FSIP1: variants seen among roughly 807,000 people sequenced by gnomAD.
FSIP1 encodes fibrous sheath interacting protein 1, also known as fibrous sheath-interacting protein 1.
Under a neutral mutation model 60.9 loss-of-function variants are expected in FSIP1, and 65 were observed. The observed-to-expected ratio is 1.07, with a 90% CI of 0.87 to 1.31. The LOEUF (loss-of-function observed/expected upper bound fraction) is 1.31. Among genes scored for constraint, FSIP1 ranks in the 40% most tolerant of loss-of-function variants. The pLI, the probability that FSIP1 is intolerant of heterozygous loss-of-function variation, is 0.00. For synonymous variants in FSIP1, 209 were observed against 221.2 expected (o/e 0.94, Z 0.49); for missense variants, 675 against 665.5 (o/e 1.01, Z -0.16).
At chr15:39,659,115 T>C (rs79611855) in intron 10 of FSIP1, among the ~76,000 whole-genome samples, 3,748 of 152,256 alleles carry the variant, frequency 0.025, 191 homozygotes, top group African/African-American at 0.086. Flanking sequence ...TGAAAATCCA[T>C]AGAGGCAGAA....
intron 10 of FSIP1, among the ~76,000 whole-genome samples, chr15:39,659,623 A>AT (rs201732547): frequency 4.9e-5 from 2 of 40,760 alleles, no homozygotes; most frequent in African/African-American, 1.6e-4. Flanking sequence ...TAAAGCTGTT[A>AT]TTTTAAAAAA....
In FSIP1 at chr15:39,761,425, A is replaced by G. The variant is rs55948766; in HGVS notation, c.559+2396T>C. Among the ~76,000 whole-genome samples the G allele has an allele frequency of 6.5e-3, 993 of 152,366 alleles. 4 individuals carry two copies. Among genetic ancestry groups the G allele is most frequent in the Non-Finnish European group, 9.7e-3 (662 of 68,034 alleles). On this transcript the variant is annotated intron_variant, in intron 5 of 11. Coordinates refer to ENST00000350221, the MANE Select transcript of FSIP1 (RefSeq NM_152597.5). ...AGGAAATTCTATCATTTGCAACAAC[A>G]TGAATAGAATTAGAGGACATTATGC...
intron 3 of FSIP1, among the ~76,000 whole-genome samples, chr15:39,770,062 A>G (rs1897828481): frequency 6.6e-6 from 1 of 152,166 alleles, no homozygotes; most frequent in Non-Finnish European, 1.5e-5. Context: ...TGAAAATCCA[A>G]ATGTTATTGG....
intron 10 of FSIP1, among the ~76,000 whole-genome samples, chr15:39,662,717 C>A (rs4372661): frequency 6.7e-6 from 1 of 149,748 alleles, no homozygotes. Context: ...CACTAAGTCA[C>A]TGAAAAAAAA....
At chr15:39,599,388 C>T (rs1293750235), downstream of FSIP1, 3 of 152,144 alleles carry the variant, frequency 2.0e-5, no homozygotes, top group Non-Finnish European at 4.4e-5. Flanking sequence ...CAGAAAGGCT[C>T]ACTATGTCCC....
At chr15:39,652,466 AAG>A (rs1204116390) in intron 10 of FSIP1, among the ~76,000 whole-genome samples, 1 of 152,246 alleles carries the variant, frequency 6.6e-6, no homozygotes, top group Non-Finnish European at 1.5e-5. Flanking sequence ...ATATAGGACT[AAG>A]AGCTGTTGAA....
intron 10 of FSIP1, among the ~76,000 whole-genome samples, chr15:39,691,854 G>C (rs946147018): frequency 6.6e-6 from 1 of 152,134 alleles, no homozygotes; most frequent in Non-Finnish European, 1.5e-5. Context: ...CTTTCAAGAG[G>C]CTTAAAGCCC....
At chr15:39,717,901 C>G (rs1895802709) in intron 9 of FSIP1, among the ~76,000 whole-genome samples, 1 of 152,212 alleles carries the variant, frequency 6.6e-6, no homozygotes, top group South Asian at 2.1e-4. Context: ...CTCAGATTGC[C>G]AAGGAAACAG....
chr15:39,660,146 G>A (rs573461458), intron 10 of FSIP1, among the ~76,000 whole-genome samples: 38 of 152,218 alleles, frequency 2.5e-4, no homozygotes, highest in Admixed American at 7.9e-4. Flanking sequence ...CCTTGACAAC[G>A]TAGTAAGTAA....
At chr15:39,665,248 C>T (rs1458990121) in intron 10 of FSIP1, among the ~76,000 whole-genome samples, 1 of 152,084 alleles carries the variant, frequency 6.6e-6, no homozygotes, top group Non-Finnish European at 1.5e-5. Flanking sequence ...CACTATAAAA[C>T]AAGGTACTTA....
chr15:39,713,423 A>G, intron 10 of FSIP1, 21 bp downstream of exon 10: 1 of 1,572,448 alleles, frequency 6.4e-7, no homozygotes, highest in Non-Finnish European at 8.6e-7. Context: ...AAAAAAAATT[A>G]ATTAAAACAA....
At chr15:39,699,379 G>A (rs903283203) in intron 10 of FSIP1, among the ~76,000 whole-genome samples, 1 of 152,328 alleles carries the variant, frequency 6.6e-6, no homozygotes, top group Non-Finnish European at 1.5e-5. Context: ...CAATCTTAAT[G>A]TTGGATACAA....
chr15:39,689,731 A>C (rs895162709), intron 10 of FSIP1, among the ~76,000 whole-genome samples: 1 of 152,226 alleles, frequency 6.6e-6, no homozygotes, highest in Admixed American at 6.5e-5. Flanking sequence ...TACTTAATCA[A>C]ATTACTGTAT....
rs565417107 is a variant in FSIP1, at chr15:39,691,003, G to C, written c.1188+22441C>G. Reference sequence around the variant, plus strand: ...ATCAGAGAGGTTCGAGTAAAACTGAGCCAAAAAAGAGAAAGGAGCTAGAGT... The same window carrying C: ...ATCAGAGAGGTTCGAGTAAAACTGACCCAAAAAAGAGAAAGGAGCTAGAGT... On this transcript the variant is annotated intron_variant, in intron 10 of 11. Transcript: ENST00000350221. 2.6e-5 allele frequency among the ~76,000 whole-genome samples: 4 copies of C among 152,268 alleles called. No homozygotes were observed. The South Asian group carries it at 8.3e-4, about 32-fold the overall frequency.
intron 9 of FSIP1, among the ~76,000 whole-genome samples, chr15:39,718,251 TAC>T (rs199605968): frequency 5.7e-4 from 86 of 151,566 alleles, no homozygotes; most frequent in South Asian, 2.1e-4. Context: ...GATATAGATA[TAC>T]ACACACACAC....
intron 10 of FSIP1, among the ~76,000 whole-genome samples, chr15:39,632,463 G>A (rs897576198): frequency 2.0e-5 from 3 of 152,102 alleles, no homozygotes; most frequent in Admixed American, 1.3e-4. Flanking sequence ...ACAGGCGTGA[G>A]CCACTGCGCC....
intron 10 of FSIP1, among the ~76,000 whole-genome samples, chr15:39,634,139 C>T (rs1239641522): frequency 6.6e-6 from 1 of 152,152 alleles, no homozygotes; most frequent in Non-Finnish European, 1.5e-5. Context: ...GCAATCTCCC[C>T]ACTCTCTTTT....
intron 5 of FSIP1, among the ~76,000 whole-genome samples, chr15:39,752,407 T>C (rs2140673367): frequency 6.6e-6 from 1 of 152,138 alleles, no homozygotes; most frequent in Non-Finnish European, 1.5e-5. Context: ...GGAAATATGG[T>C]AACTTACAGT....
intron 10 of FSIP1, among the ~76,000 whole-genome samples, chr15:39,674,086 G>A (rs911262628): frequency 6.1e-5 from 9 of 148,306 alleles, no homozygotes; most frequent in African/African-American, 1.5e-4. Context: ...ACAGAGTCTC[G>A]CTCTGTCGCC....
Sources: allele counts gnomAD v4.1 joint callset (sites outside exome capture counted in the v4.1 genomes callset), GRCh38; gene constraint gnomAD v4.1.1; transcripts MANE v1.5; gene names NCBI Gene and HGNC (gene_info 2026-07-23, HGNC 2026-07-21).